The following HEATR5A variants were observed in gnomAD, a reference collection of about 807,000 sequenced individuals.
HEATR5A encodes the protein HEAT repeat-containing protein 5A.
A neutral mutation model predicts 218.8 loss-of-function variants in HEATR5A; 178 were observed. That is an observed-to-expected ratio of 0.81 (90% CI 0.72 to 0.92). The LOEUF is 0.92. HEATR5A is among the 40% of genes least tolerant of loss of function. The pLI is 0.00. For synonymous variants in HEATR5A, 864 were observed against 871.6 expected, an observed-to-expected ratio of 0.99 and a Z score of 0.15; for missense variants, 2,420 against 2,418.9, an observed-to-expected ratio of 1.00 and a Z score of -0.01.
intron 1 of HEATR5A, among the ~76,000 whole-genome samples, chr14:31,419,812 T>A (rs549361109): frequency 6.6e-6 from 1 of 152,304 alleles, no homozygotes; most frequent in East Asian, 1.9e-4. Context: ...TGGCCGAGAG[T>A]AGGGTGAAAG....
At chr14:31,324,850 G>A (rs560184518) in intron 23 of HEATR5A, among the ~76,000 whole-genome samples, 54 of 152,140 alleles carry the variant, frequency 3.5e-4, no homozygotes, top group Middle Eastern at 3.4e-3. Flanking sequence ...TATGTAAAGC[G>A]TAATAGTTGA....
At position 31,402,901 on chromosome 14, in the gene HEATR5A, A is replaced by C; in HGVS notation, c.75T>G (p.Phe25Leu). 3 of 1,536,528 alleles carry C rather than the reference A, an allele frequency of 2.0e-6. No homozygotes were observed. The highest frequency in any genetic ancestry group is 2.6e-6 in the Non-Finnish European group (3 of 1,146,938). ...CCAAGTATCTCAACCACTCAAAAATAAACTCTGCCTTCTGAACTTCACCTA... is the reference window on the plus strand; with the variant it reads ...CCAAGTATCTCAACCACTCAAAAATCAACTCTGCCTTCTGAACTTCACCTA... ...NQLGEVQKAE[F>L]IFEWLRYLEK... is the part of the protein sequence containing the mutation. The change falls in exon 2 of 36, where the codon TTT becomes TTG. Residue 25 changes from phenylalanine (F) to leucine (L), a missense_variant. Transcript: ENST00000543095.
intron 33 of HEATR5A, among the ~76,000 whole-genome samples, chr14:31,301,101 T>C (rs1455790372): frequency 6.6e-6 from 1 of 152,142 alleles, no homozygotes; most frequent in Non-Finnish European, 1.5e-5. Flanking sequence ...ACATTTTATA[T>C]GTAAAATGAA....
chr14:31,384,463 T>C (rs1215105621), intron 9 of HEATR5A, among the ~76,000 whole-genome samples: 1 of 150,462 alleles, frequency 6.6e-6, no homozygotes, highest in Non-Finnish European at 1.5e-5. Context: ...AAAAAAGTCA[T>C]ACCCTGCCCC....
chr14:31,303,813 A>G (rs1899466924), intron 32 of HEATR5A, among the ~76,000 whole-genome samples: 2 of 152,212 alleles, frequency 1.3e-5, no homozygotes, highest in South Asian at 4.1e-4. Context: ...CAGAACAAGG[A>G]TGAACATGAA....
chr14:31,377,190 G>A (rs77462771), intron 11 of HEATR5A, among the ~76,000 whole-genome samples: 1,812 of 150,846 alleles, frequency 0.012, 28 homozygotes, highest in African/African-American at 0.036. Context: ...TTGGAGAAAC[G>A]GCTGATGGCA....
chr14:31,358,541 T>C, intron 16 of HEATR5A, 96 bp downstream of exon 16: 1 of 1,090,874 alleles, frequency 9.2e-7, no homozygotes, highest in Non-Finnish European at 1.3e-6. Flanking sequence ...ACCTGTTATT[T>C]ATAAGAAATC....
intron 23 of HEATR5A, 167 bp downstream of exon 23, chr14:31,325,995 AG>A: frequency 1.6e-6 from 1 of 624,506 alleles, no homozygotes; most frequent in South Asian, 2.0e-5. Flanking sequence ...CAAATTACAG[AG>A]AATTCTAAAA....
chr14:31,318,339 C>T, intron 25 of HEATR5A, 47 bp from the exon 26 acceptor site: 1 of 1,360,416 alleles, frequency 7.4e-7, no homozygotes, highest in Non-Finnish European at 1.1e-6. Flanking sequence ...AGTAAGACAG[C>T]ACAAGTTCTC....
chr14:31,331,847 C>T (rs894335356), intron 22 of HEATR5A, among the ~76,000 whole-genome samples: 3 of 152,100 alleles, frequency 2.0e-5, no homozygotes, highest in African/African-American at 2.4e-5. Flanking sequence ...CTCATGAGAA[C>T]GCACTCACTA....
intron 32 of HEATR5A, among the ~76,000 whole-genome samples, chr14:31,304,283 T>A (rs1220560736): frequency 6.6e-6 from 1 of 152,206 alleles, no homozygotes; most frequent in Non-Finnish European, 1.5e-5. Flanking sequence ...ACTTGTGCCA[T>A]CACTGAGGCA....
intron 19 of HEATR5A, among the ~76,000 whole-genome samples, chr14:31,345,529 T>C (rs1268813809): frequency 3.9e-5 from 6 of 152,208 alleles, no homozygotes; most frequent in Admixed American, 6.5e-5. Flanking sequence ...TCTAGTTTGT[T>C]GAAAAATTGT....
Position 31,293,567 on chromosome 14 carries a change from A to G in HEATR5A, c.5879T>C (p.Leu1960Pro). The change falls in exon 36 of 36, where the codon CTT (leucine) becomes CCT (proline). Residue 1960 changes from leucine (L) to proline (P), a missense_variant. Transcript: ENST00000543095. ...TGATCCCAGAGAATTTTCATCCAAA[A>G]GGAAGGAAATGAGGATGGGCAAAAG... Reference protein sequence around the residue: ...ACLLPILISFLLDENSLGSAT... With the variant: ...ACLLPILISFPLDENSLGSAT... The G allele has an allele frequency of 6.2e-7, 1 of 1,613,600 alleles. No homozygotes were observed. Among genetic ancestry groups the G allele is most frequent in the African/African-American group, 1.3e-5 (1 of 75,006 alleles).
At chr14:31,336,163 G>A (rs1166230632) in intron 22 of HEATR5A, among the ~76,000 whole-genome samples, 1 of 143,330 alleles carries the variant, frequency 7.0e-6, no homozygotes, top group Non-Finnish European at 1.5e-5. Flanking sequence ...ATTTTTTGTA[G>A]AGATGGGGTC....
chr14:31,375,677 C>T (rs1314761124), intron 11 of HEATR5A, among the ~76,000 whole-genome samples: 1 of 152,170 alleles, frequency 6.6e-6, no homozygotes, highest in Non-Finnish European at 1.5e-5. Context: ...GCTGGAATTA[C>T]AGATGTGAGC....
chr14:31,303,206 G>A (rs578152760), intron 32 of HEATR5A, among the ~76,000 whole-genome samples: 6 of 152,236 alleles, frequency 3.9e-5, no homozygotes, highest in South Asian at 2.1e-4. Context: ...AGGCCAAGGC[G>A]GGTAGATCAT....
chr14:31,312,824 G>A, intron 28 of HEATR5A, 144 bp downstream of exon 28: 5 of 645,350 alleles, frequency 7.7e-6, no homozygotes, highest in South Asian at 2.0e-5. Context: ...CCTGAGCCCA[G>A]GAGGCAGAGG....
intron 31 of HEATR5A, among the ~76,000 whole-genome samples, 169 bp downstream of exon 31, chr14:31,306,563 G>A (rs1372743624): frequency 6.6e-6 from 1 of 152,150 alleles, no homozygotes; most frequent in African/African-American, 2.4e-5. Flanking sequence ...CATTACTAGG[G>A]AAGTTTCTCT....
At chr14:31,407,580 T>TTATTTATATATATATATATATATA (rs1427111533) in intron 1 of HEATR5A, among the ~76,000 whole-genome samples, 3 of 149,216 alleles carry the variant, frequency 2.0e-5, no homozygotes, top group African/African-American at 7.6e-5. Context: ...ATCACTTATT[T>TTATTTATATATATATATATATATA]TATTTATATA....
Sources: gnomAD v4.1 joint callset for allele counts (sites outside exome capture counted in the v4.1 genomes callset) on GRCh38, gnomAD v4.1.1 for gene constraint, MANE v1.5 for transcripts, NCBI Gene and HGNC (gene_info 2026-07-23, HGNC 2026-07-21) for gene names.